Variants in RGPD3 observed in about 807,000 individuals in gnomAD.
RGPD3 encodes ranBP2-like and GRIP domain-containing protein 3.
In RGPD3, 62 loss-of-function variants were observed where a neutral mutation model predicts 154.5. The ratio of observed to expected loss-of-function variants is 0.40; its 90% CI spans 0.33 to 0.50. RGPD3 has a LOEUF of 0.50. Ranked by LOEUF, RGPD3 falls within the 20% of genes least tolerant of loss-of-function variation. The probability of loss-of-function intolerance (pLI) is 0.59; values close to 1 mark genes in which losing one functional copy is unlikely to be tolerated. For synonymous variants in RGPD3, 308 were observed against 607.0 expected (o/e 0.51, Z 7.24); for missense variants, 919 against 1,716.8 (o/e 0.54, Z 8.21).
chr2:106,407,257 T>A (rs1180517204), intron 22 of RGPD3, among the ~76,000 whole-genome samples: 2 of 152,062 alleles, frequency 1.3e-5, no homozygotes, highest in Non-Finnish European at 2.9e-5. Context: ...GCTAGCAAGA[T>A]AGAAGCCACA....
chr2:106,429,060 A>T (rs940072716), intron 18 of RGPD3, among the ~76,000 whole-genome samples: 1 of 151,870 alleles, frequency 6.6e-6, no homozygotes, highest in Non-Finnish European at 1.5e-5. Context: ...TAAATGTCTG[A>T]TACACACCCA....
At chr2:106,461,900 C>G (rs1337626719) in intron 1 of RGPD3, among the ~76,000 whole-genome samples, 1 of 151,854 alleles carries the variant, frequency 6.6e-6, no homozygotes, top group Non-Finnish European at 1.5e-5. Context: ...CGTAAAAGAA[C>G]AAGGCTTGTT....
intron 1 of RGPD3, among the ~76,000 whole-genome samples, chr2:106,467,746 G>A (rs1203695639): frequency 1.4e-5 from 2 of 141,738 alleles, no homozygotes; most frequent in Non-Finnish European, 3.1e-5. Flanking sequence ...GCGCCAGGGA[G>A]CAGCGCCCGT....
At chr2:106,462,685 CTCTTT>C (rs1414856388) in intron 1 of RGPD3, among the ~76,000 whole-genome samples, 1 of 152,076 alleles carries the variant, frequency 6.6e-6, no homozygotes, top group Admixed American at 6.6e-5. Flanking sequence ...TTCTGAATTT[CTCTTT>C]TTTTTTAAAT....
chr2:106,459,133 G>A, intron 2 of RGPD3, 132 bp downstream of exon 2: 1 of 555,010 alleles, frequency 1.8e-6, no homozygotes, highest in East Asian at 4.3e-5. Flanking sequence ...GCATCAGTCT[G>A]AGTGATAAAT....
At chr2:106,419,142 A>T in intron 20 of RGPD3, among the ~76,000 whole-genome samples, 1 of 109,294 alleles carries the variant, frequency 9.1e-6, no homozygotes, top group African/African-American at 3.3e-5. Flanking sequence ...CTCTTGTGCG[A>T]CCTTTGCCCT....
At chr2:106,455,115 C>A (rs1172395172) in intron 4 of RGPD3, among the ~76,000 whole-genome samples, 1 of 152,186 alleles carries the variant, frequency 6.6e-6, no homozygotes, top group Non-Finnish European at 1.5e-5. Context: ...TGGCAGTGAG[C>A]CGAGATAGCA....
At chr2:106,470,886 G>A, upstream of RGPD3, 1 of 1,595,148 alleles carries the variant, frequency 6.3e-7, no homozygotes, top group South Asian at 1.1e-5. Context: ...CATTGTGTTG[G>A]ACATCGTCAG....
intron 1 of RGPD3, among the ~76,000 whole-genome samples, chr2:106,464,071 C>T (rs1230893334): frequency 2.0e-5 from 3 of 152,192 alleles, no homozygotes; most frequent in Non-Finnish European, 4.4e-5. Context: ...TGGGGCCCGG[C>T]GCGGTGGCTC....
chr2:106,437,728 T>C (rs1677608394), intron 9 of RGPD3, among the ~76,000 whole-genome samples: 1 of 151,838 alleles, frequency 6.6e-6, no homozygotes. Flanking sequence ...AGTGGAAAAG[T>C]TGAGAAAACT....
intron 20 of RGPD3, among the ~76,000 whole-genome samples, chr2:106,421,944 G>A (rs894782371): frequency 4.6e-5 from 7 of 150,874 alleles, no homozygotes; most frequent in African/African-American, 1.2e-4. Flanking sequence ...GCTTAAACTG[G>A]CATTCTTTGA....
chr2:106,438,497 C>T (rs1352034585), intron 9 of RGPD3, among the ~76,000 whole-genome samples: 1 of 148,032 alleles, frequency 6.8e-6, no homozygotes, highest in Non-Finnish European at 1.5e-5. Flanking sequence ...CAAAATACAA[C>T]AAGGCTGGTC....
At chr2:106,463,664 G>A (rs1346938861) in intron 1 of RGPD3, among the ~76,000 whole-genome samples, 1 of 151,280 alleles carries the variant, frequency 6.6e-6, no homozygotes, top group East Asian at 1.9e-4. Flanking sequence ...CAGCTGTGTA[G>A]CAAAGAGGAA....
Position 106,405,144 on chromosome 2 carries a change from A to T in RGPD3, c.*75T>A. The stretch of plus-strand genomic sequence containing the variant: ...TAGATTTTATTTGGTTAATAAAAAC[A>T]TTCCTTCCATCAACCTATCGAAGTC... On this transcript the variant is annotated 3_prime_UTR_variant, in exon 23 of 23. Coordinates refer to ENST00000409886, the MANE Select transcript of RGPD3 (RefSeq NM_001144013.2). 6.3e-7 allele frequency: 1 copy of T among 1,595,938 alleles called. No individual in the cohort carries two copies. The highest frequency in any genetic ancestry group is 8.5e-7 in the Non-Finnish European group (1 of 1,171,146).
chr2:106,410,290 A>T (rs1455345042), intron 22 of RGPD3, among the ~76,000 whole-genome samples: 4 of 152,226 alleles, frequency 2.6e-5, no homozygotes, highest in African/African-American at 9.6e-5. Context: ...AGAGACAAGT[A>T]GTAAATAATC....
At chr2:106,468,611 G>T (rs1678726603), upstream of RGPD3, among the ~76,000 whole-genome samples, 1 of 152,046 alleles carries the variant, frequency 6.6e-6, no homozygotes, top group African/African-American at 2.4e-5. Context: ...TTCAAGACCA[G>T]CCTGGCCAAC....
chr2:106,464,946 G>T (rs1678523097), intron 1 of RGPD3, among the ~76,000 whole-genome samples: 1 of 146,060 alleles, frequency 6.8e-6, no homozygotes, highest in Non-Finnish European at 1.5e-5. Context: ...TGGTCTCTCG[G>T]CCTCCCAGAG....
intron 1 of RGPD3, among the ~76,000 whole-genome samples, chr2:106,466,935 C>G (rs1241539926): frequency 8.8e-5 from 10 of 113,998 alleles, no homozygotes; most frequent in South Asian, 3.6e-4. Flanking sequence ...GAGCAGCGCC[C>G]GTCGGGAGCC....
In RGPD3 at chr2:106,425,143, C is replaced by T. The variant is rs571479726; in HGVS notation, c.2824G>A (p.Glu942Lys). 2 of 1,611,980 alleles carry T rather than the reference C, an allele frequency of 1.2e-6. No individual in the cohort carries two copies. The highest frequency in any genetic ancestry group is 2.7e-5 in the African/African-American group (2 of 74,968). The change falls in exon 20 of 23, where the codon GAA becomes AAA. Residue 942 changes from glutamate (E) to lysine (K), a missense_variant. By Grantham distance (56) the Glu-to-Lys change is moderately conservative. Coordinates refer to ENST00000409886, the MANE Select transcript of RGPD3 (RefSeq NM_001144013.2). ...NQEKKSEKPL[E>K]NDTGLQAQDI... The stretch of plus-strand genomic sequence containing the variant: ...TGAGCCTGTAAGCCAGTATCATTTT[C>T]AAGAGGCTTTTCACTTTTCTTTTCT...
Sources: gnomAD v4.1 joint callset for allele counts (sites outside exome capture counted in the v4.1 genomes callset) on GRCh38, gnomAD v4.1.1 for gene constraint, MANE v1.5 for transcripts, NCBI Gene and HGNC (gene_info 2026-07-23, HGNC 2026-07-21) for gene names.